SHLD2: variants seen among roughly 807,000 people sequenced by gnomAD.
SHLD2 encodes the protein shieldin complex subunit 2.
A neutral mutation model predicts 73.2 loss-of-function variants in SHLD2; 30 were observed. The observed-to-expected ratio is 0.41, with a 90% CI of 0.31 to 0.56. SHLD2 has a LOEUF of 0.56. SHLD2 is among the 20% of genes least tolerant of loss of function. SHLD2 has a pLI of 0.28. For synonymous variants in SHLD2, 285 were observed against 370.1 expected (o/e 0.77, Z 2.64); for missense variants, 745 against 1,055.9 (o/e 0.71, Z 4.08).
intron 8 of SHLD2, among the ~76,000 whole-genome samples, chr10:87,181,933 C>T (rs1231095454): frequency 2.7e-5 from 4 of 150,254 alleles, no homozygotes; most frequent in Middle Eastern, 3.2e-3. Context: ...CCACGCCTGG[C>T]TAATTTTGTA....
At chr10:87,145,893 C>G (rs1454775427) in intron 2 of SHLD2, among the ~76,000 whole-genome samples, 1 of 152,080 alleles carries the variant, frequency 6.6e-6, no homozygotes, top group South Asian at 2.1e-4. Flanking sequence ...CTGAATACAC[C>G]TAAAACATAT....
chr10:87,110,842 A>T (rs1465810468), intron 2 of SHLD2, among the ~76,000 whole-genome samples: 1 of 151,958 alleles, frequency 6.6e-6, no homozygotes, highest in Non-Finnish European at 1.5e-5. Flanking sequence ...ACTTTATTAA[A>T]ATTAATTTTT....
intron 2 of SHLD2, among the ~76,000 whole-genome samples, chr10:87,135,944 A>G (rs952365848): frequency 6.6e-6 from 1 of 151,678 alleles, no homozygotes; most frequent in Non-Finnish European, 1.5e-5. Context: ...CTGTTTACAT[A>G]CTGTACTCTT....
intron 2 of SHLD2, among the ~76,000 whole-genome samples, chr10:87,108,159 C>T (rs993645987): frequency 6.6e-6 from 1 of 152,164 alleles, no homozygotes; most frequent in South Asian, 2.1e-4. Context: ...AAGTGATTCT[C>T]CTCCCTCAGC....
chr10:87,156,129 C>T (rs1379151803), intron 3 of SHLD2, among the ~76,000 whole-genome samples: 31 of 149,664 alleles, frequency 2.1e-4, no homozygotes, highest in Middle Eastern at 3.4e-3. Context: ...TGCAGTGGCG[C>T]GATCTCGGCT....
intron 2 of SHLD2, among the ~76,000 whole-genome samples, chr10:87,120,276 C>G (rs537065516): frequency 6.7e-6 from 1 of 149,448 alleles, no homozygotes; most frequent in South Asian, 2.1e-4. Flanking sequence ...GAGACAGAGT[C>G]TTGCTCTATC....
At chr10:87,167,333 G>A (rs1366169925) in intron 4 of SHLD2, among the ~76,000 whole-genome samples, 1 of 152,124 alleles carries the variant, frequency 6.6e-6, no homozygotes, top group Non-Finnish European at 1.5e-5. Flanking sequence ...GGAATTTATG[G>A]TGCTTTATTT....
Position 87,151,498 on chromosome 10 carries a change from A to G in SHLD2, c.144A>G (p.Leu48=). Residue 48 remains leucine, a synonymous_variant, in exon 3 of 10, where the codon TTA becomes TTG. Transcript: ENST00000298786. ...AGCTTTTATACAGTCAACATTCTTT[A>G]TATCTGAAGGATGAAAAACAGCACA... ...KIQLLYSQHS[L]YLKDEKQHKN... is the part of the protein sequence containing the mutation. 1.2e-6 allele frequency: 2 copies of G among 1,611,126 alleles called. No individual in the cohort carries two copies. Among genetic ancestry groups the G allele is most frequent in the Non-Finnish European group, 1.7e-6 (2 of 1,179,592 alleles).
intron 2 of SHLD2, among the ~76,000 whole-genome samples, chr10:87,103,208 C>G (rs1313764041): frequency 6.7e-6 from 1 of 149,286 alleles, no homozygotes; most frequent in African/African-American, 2.5e-5. Context: ...GATTCCGTCT[C>G]AAAAAAAAAA....
intron 7 of SHLD2, among the ~76,000 whole-genome samples, chr10:87,178,944 G>C (rs61858945): frequency 0.1 from 15,931 of 152,088 alleles, 958 homozygotes; most frequent in Admixed American, 0.15. Flanking sequence ...GACTCTGAAA[G>C]AGATAACCAG....
chr10:87,190,182 C>T (rs1346274087), intron 9 of SHLD2, among the ~76,000 whole-genome samples: 2 of 152,190 alleles, frequency 1.3e-5, no homozygotes, highest in African/African-American at 4.8e-5. Context: ...CCTCAGCTTC[C>T]CGAGTAGCTG....
chr10:87,137,821 T>C (rs890045231), intron 2 of SHLD2, among the ~76,000 whole-genome samples: 5 of 152,096 alleles, frequency 3.3e-5, no homozygotes, highest in African/African-American at 1.2e-4. Flanking sequence ...GGAAGAGATC[T>C]TACAAGCAAC....
At position 87,180,266 on chromosome 10, in the gene SHLD2, A is replaced by G. The variant is rs1848219127; in HGVS notation, c.2362A>G (p.Ser788Gly). 1.2e-6 allele frequency: 2 copies of G among 1,612,168 alleles called. No individual in the cohort carries two copies. Among genetic ancestry groups the G allele is most frequent in the African/African-American group, 1.3e-5 (1 of 74,840 alleles). ...GAACAGGATCTACAAACAATGTTTT[A>G]GCTGCTTGCCATTTACTATGAAGAA... ...DENRIYKQCF[S>G]CLPFTMKKIY... Residue 788 changes from serine (S) to glycine (G), a missense_variant, in exon 8 of 10, where the codon AGC becomes GGC. By Grantham distance (56) the Ser-to-Gly change is moderately conservative. This residue lies in a region of SHLD2 where 418 missense variants were observed against 567.8 expected (regional missense o/e 0.74). Coordinates refer to ENST00000298786, the MANE Select transcript of SHLD2 (RefSeq NM_001330112.2).
At chr10:87,168,586 G>A (rs1425069924) in intron 4 of SHLD2, among the ~76,000 whole-genome samples, 1 of 108,026 alleles carries the variant, frequency 9.3e-6, no homozygotes, top group African/African-American at 3.5e-5. Context: ...GCAATAGAGT[G>A]ACACCTTGTC....
chr10:87,130,363 A>C (rs1041275492), intron 2 of SHLD2, among the ~76,000 whole-genome samples: 1 of 145,550 alleles, frequency 6.9e-6, no homozygotes, highest in Non-Finnish European at 1.5e-5. Flanking sequence ...GAAGTAGGGC[A>C]GTGAGGATTT....
intron 7 of SHLD2, among the ~76,000 whole-genome samples, chr10:87,178,873 T>C (rs1013680655): frequency 7.2e-5 from 11 of 152,184 alleles, no homozygotes; most frequent in African/African-American, 2.4e-4. Flanking sequence ...GATGAAACCA[T>C]CTTTGGGCAT....
At chr10:87,157,692 T>C (rs1846529853) in intron 3 of SHLD2, among the ~76,000 whole-genome samples, 1 of 152,222 alleles carries the variant, frequency 6.6e-6, no homozygotes, top group Admixed American at 6.5e-5. Context: ...GCACTACGGC[T>C]TTGGAACCAC....
At chr10:87,140,714 C>T (rs1042654431) in intron 2 of SHLD2, among the ~76,000 whole-genome samples, 152 of 152,194 alleles carry the variant, frequency 1.0e-3, no homozygotes, top group Admixed American at 2.9e-3. Flanking sequence ...CATGGTGGCT[C>T]ATGCCTGTAA....
chr10:87,114,924 C>T (rs1843149355), intron 2 of SHLD2, among the ~76,000 whole-genome samples: 2 of 152,134 alleles, frequency 1.3e-5, no homozygotes, highest in South Asian at 4.1e-4. Flanking sequence ...TCCAGTAGTT[C>T]TGGAAGAGAC....
Sources: allele counts gnomAD v4.1 joint callset (sites outside exome capture counted in the v4.1 genomes callset), GRCh38; gene constraint gnomAD v4.1.1; regional missense constraint gnomAD v4.1.1; transcripts MANE v1.5; gene names NCBI Gene and HGNC (gene_info 2026-07-23, HGNC 2026-07-21).